The following ZNF536 variants were observed in gnomAD, a reference collection of about 807,000 sequenced individuals.
ZNF536 encodes zinc finger protein 536.
ZNF536 carries 13 observed loss-of-function variants against 84.5 expected under a neutral mutation model. That is an observed-to-expected ratio of 0.15 (90% CI 0.10 to 0.24). The LOEUF (loss-of-function observed/expected upper bound fraction) is 0.24. ZNF536 is among the 10% of genes least tolerant of loss of function. The pLI is 1.00. For missense variants in ZNF536, 1,536 were observed against 1,747.5 expected (o/e 0.88, Z 2.16); for synonymous variants, 811 against 742.5 (o/e 1.09, Z -1.50).
At chr19:30,346,128 C>G (rs1305594124) in intron 2 of ZNF536, among the ~76,000 whole-genome samples, 1 of 152,070 alleles carries the variant, frequency 6.6e-6, no homozygotes, top group East Asian at 1.9e-4. Flanking sequence ...AAACTGGCTT[C>G]CAAGGGACCC....
chr19:30,684,354 C>T (rs1201799535), intron 1 of ZNF536, among the ~76,000 whole-genome samples: 1 of 152,146 alleles, frequency 6.6e-6, no homozygotes, highest in African/African-American at 2.4e-5. Flanking sequence ...CCAGGCTGGC[C>T]TCCAACTCCT....
chr19:30,226,834 G>C (rs868195870), upstream of ZNF536, among the ~76,000 whole-genome samples: 1 of 151,984 alleles, frequency 6.6e-6, no homozygotes, highest in Non-Finnish European at 1.5e-5. The surrounding 1 kb of genome is among the most constrained non-coding windows in gnomAD (Gnocchi z 4.6). Context: ...AGTGCAATCT[G>C]GGGGGACGCC....
intron 1 of ZNF536, among the ~76,000 whole-genome samples, chr19:30,619,821 C>A (rs1568609095): frequency 6.6e-6 from 1 of 152,134 alleles, no homozygotes; most frequent in Non-Finnish European, 1.5e-5. Context: ...CAGTGCTTTG[C>A]CCATAGAAGG....
At chr19:30,472,594 G>T (rs553828549) in intron 2 of ZNF536, among the ~76,000 whole-genome samples, 6 of 152,164 alleles carry the variant, frequency 3.9e-5, no homozygotes, top group Admixed American at 3.9e-4. Flanking sequence ...ATGGATAAAC[G>T]CACTTCGAGG....
intron 1 of ZNF536, among the ~76,000 whole-genome samples, chr19:30,655,273 C>A (rs914267244): frequency 6.6e-6 from 1 of 152,228 alleles, no homozygotes; most frequent in African/African-American, 2.4e-5. Flanking sequence ...CGGGTGACTG[C>A]AAGAGCTTCC....
At chr19:30,585,239 C>T (rs1272723422) in intron 1 of ZNF536, among the ~76,000 whole-genome samples, 2 of 152,328 alleles carry the variant, frequency 1.3e-5, no homozygotes, top group Middle Eastern at 3.4e-3. Context: ...TTGGTAGGAA[C>T]AGAAAGTGCT....
At chr19:30,389,660 C>T (rs2049499108) in intron 1 of ZNF536, among the ~76,000 whole-genome samples, 1 of 152,164 alleles carries the variant, frequency 6.6e-6, no homozygotes, top group African/African-American at 2.4e-5. Context: ...CTTGAAGGTA[C>T]TGGCCCAGAA....
At chr19:30,623,604 C>T (rs1026451179) in intron 1 of ZNF536, among the ~76,000 whole-genome samples, 3 of 152,242 alleles carry the variant, frequency 2.0e-5, no homozygotes, top group African/African-American at 7.2e-5. Flanking sequence ...ATGACTTCTC[C>T]ATGCATAATT....
rs563828693 is a variant in ZNF536 at position 30,592,702 on chromosome 19, T to C, written c.169+43188T>C. Among the ~76,000 whole-genome samples, 3 of 152,220 alleles carry C rather than the reference T, an allele frequency of 2.0e-5. No individual in the cohort carries two copies. In the East Asian group the frequency reaches 5.8e-4, roughly 29 times the overall value. Reference sequence around the variant, plus strand: ...CAAATATCTTCTGGGTTTTTTTTTTTTTCTAAGCCCAAAGATTAAATCAAC... The same window carrying C: ...CAAATATCTTCTGGGTTTTTTTTTTCTTCTAAGCCCAAAGATTAAATCAAC... On this transcript the variant is annotated intron_variant, in intron 1 of 1. Transcript: ENST00000592773.
chr19:30,662,409 T>C (rs1437997028), intron 1 of ZNF536, among the ~76,000 whole-genome samples: 4 of 152,210 alleles, frequency 2.6e-5, no homozygotes, highest in Non-Finnish European at 4.4e-5. Flanking sequence ...GTTACATTGT[T>C]ACTGAATAAA....
intron 1 of ZNF536, among the ~76,000 whole-genome samples, chr19:30,593,905 T>C (rs1195905428): frequency 6.6e-6 from 1 of 152,172 alleles, no homozygotes; most frequent in African/African-American, 2.4e-5. Flanking sequence ...TAGAGCCTTG[T>C]AGACACTGAG....
intron 2 of ZNF536, among the ~76,000 whole-genome samples, chr19:30,454,001 C>T (rs532148696): frequency 6.6e-6 from 1 of 152,364 alleles, no homozygotes; most frequent in East Asian, 1.9e-4. Flanking sequence ...CTCCCCTTAA[C>T]GGTGCCCAGC....
chr19:30,594,167 G>A (rs73539161), intron 1 of ZNF536, among the ~76,000 whole-genome samples: 9,958 of 152,232 alleles, frequency 0.065, 758 homozygotes, highest in African/African-American at 0.18. Context: ...CCTGGAGTGC[G>A]CAGAGTCACT....
intron 1 of ZNF536, among the ~76,000 whole-genome samples, chr19:30,429,653 G>A (rs2051364669): frequency 6.6e-6 from 1 of 152,212 alleles, no homozygotes; most frequent in East Asian, 1.9e-4. Flanking sequence ...GGATGTTTCA[G>A]ATCCATCTGT....
At chr19:30,658,868 A>G (rs1042179803) in intron 1 of ZNF536, among the ~76,000 whole-genome samples, 4 of 152,250 alleles carry the variant, frequency 2.6e-5, no homozygotes, top group African/African-American at 9.6e-5. Flanking sequence ...GAATGCGTAC[A>G]TAAGAAAATA....
At chr19:30,703,849 T>C (rs958075683) in intron 1 of ZNF536, among the ~76,000 whole-genome samples, 1 of 152,208 alleles carries the variant, frequency 6.6e-6, no homozygotes, top group African/African-American at 2.4e-5. Flanking sequence ...GTCAGTATTA[T>C]TGCATCATTA....
At chr19:30,685,568 C>CA (rs1172015269) in intron 1 of ZNF536, among the ~76,000 whole-genome samples, 2 of 152,098 alleles carry the variant, frequency 1.3e-5, no homozygotes, top group African/African-American at 4.8e-5. Flanking sequence ...GCAGCTTCAC[C>CA]AGGGAACACA....
intron 2 of ZNF536, among the ~76,000 whole-genome samples, chr19:30,344,122 T>TC (rs2047652568): frequency 6.6e-6 from 1 of 151,164 alleles, no homozygotes; most frequent in Non-Finnish European, 1.5e-5. Flanking sequence ...CCCTGTGGTT[T>TC]CCCACCCCTA....
chr19:30,326,815 T>TTTTTTA (rs1568334035), intron 2 of ZNF536, among the ~76,000 whole-genome samples: 1 of 140,344 alleles, frequency 7.1e-6, no homozygotes, highest in East Asian at 2.1e-4. Context: ...TTTTTTTTTT[T>TTTTTTA]TTTGTTTTCT....
Sources: allele counts gnomAD v4.1 joint callset (sites outside exome capture counted in the v4.1 genomes callset), GRCh38; gene constraint gnomAD v4.1.1; non-coding constraint Gnocchi (gnomAD v3.1); transcripts MANE v1.5; gene names NCBI Gene and HGNC (gene_info 2026-07-23, HGNC 2026-07-21).